PPIL2: variants seen among roughly 807,000 people sequenced by gnomAD.
PPIL2 encodes the protein RING-type E3 ubiquitin-protein ligase PPIL2.
In PPIL2, 50 loss-of-function variants were observed where a neutral mutation model predicts 75.2. The ratio of observed to expected loss-of-function variants is 0.66; its 90% CI spans 0.53 to 0.84. The LOEUF (loss-of-function observed/expected upper bound fraction) is 0.84, where lower values mean the gene tolerates loss of function less well. Ranked by LOEUF, PPIL2 falls within the 40% of genes least tolerant of loss-of-function variation. The pLI is 0.00. For missense variants in PPIL2, 590 were observed against 685.0 expected (o/e 0.86, Z 1.55); for synonymous variants, 245 against 258.8 (o/e 0.95, Z 0.51).
At chr22:21,666,389 G>A (rs982220245) in intron 1 of PPIL2, among the ~76,000 whole-genome samples, 6 of 152,178 alleles carry the variant, frequency 3.9e-5, no homozygotes, top group African/African-American at 9.7e-5. Flanking sequence ...GTTCTGCCCG[G>A]ACCGTCCCCC....
In PPIL2 at chr22:21,688,783, T is replaced by C; in HGVS notation, c.1073T>C (p.Leu358Pro). Residue 358 changes from leucine (L) to proline (P), a missense_variant, in exon 15 of 20, where the codon CTC (leucine) becomes CCC (proline). Leu to Pro is a moderately conservative substitution (Grantham distance 98, BLOSUM62 -3). Coordinates refer to ENST00000398831, the MANE Select transcript of PPIL2 (RefSeq NM_014337.4). ...KPFKDEFRPN[L>P]SHTGRGILSM... is the part of the protein sequence containing the mutation. The stretch of plus-strand genomic sequence containing the variant: ...TTCAAAGACGAGTTCCGGCCCAACC[T>C]CTCGCACACGGGCCGCGGCATCCTC... 1 of 1,614,048 alleles carries C rather than the reference T, an allele frequency of 6.2e-7. No individual in the cohort carries two copies. The highest frequency in any genetic ancestry group is 8.5e-7 in the Non-Finnish European group (1 of 1,179,948).
chr22:21,687,550 C>CAAAAAAAA lies in PPIL2; in HGVS notation c.898-79_898-72dup, dbSNP rs36108489. 8 of 306,558 alleles carry CAAAAAAAA rather than the reference C, an allele frequency of 2.6e-5. 2 individuals carry two copies. Among genetic ancestry groups the CAAAAAAAA allele is most frequent in the Admixed American group, 9.9e-5 (2 of 20,194 alleles). 19.0% of individuals were successfully genotyped at this position (306,558 alleles called of 1,614,324 possible). Reference sequence around the variant, plus strand: ...CCTGGGCAACAGCAAGACTCCACCTCAAAAAAAAAAAAAAAAAAAAAGCCT... The same window carrying CAAAAAAAA: ...CCTGGGCAACAGCAAGACTCCACCTCAAAAAAAAAAAAAAAAAAAAAAAAAAAAAGCCT... On this transcript the variant is annotated intron_variant, in intron 12 of 19. Coordinates refer to ENST00000398831, the MANE Select transcript of PPIL2 (RefSeq NM_014337.4).
At chr22:21,666,277 T>G (rs113080640) in intron 1 of PPIL2, 146 bp downstream of exon 1, 36 of 995,144 alleles carry the variant, frequency 3.6e-5, no homozygotes, top group Non-Finnish European at 4.9e-5. Context: ...CCGCCCTGTC[T>G]CCAGTCAGGG....
At chr22:21,668,772 C>T (rs1321373728) in intron 1 of PPIL2, among the ~76,000 whole-genome samples, 1 of 142,888 alleles carries the variant, frequency 7.0e-6, no homozygotes, top group Admixed American at 7.0e-5. Context: ...AGTGCGGTGG[C>T]ATGGTCTCCG....
intron 6 of PPIL2, among the ~76,000 whole-genome samples, chr22:21,675,927 G>A (rs1183131030): frequency 1.3e-5 from 2 of 152,234 alleles, no homozygotes; most frequent in East Asian, 1.9e-4. Context: ...CCAGAGGCCC[G>A]GATGAGTTGT....
intron 15 of PPIL2, among the ~76,000 whole-genome samples, chr22:21,692,795 G>A (rs1019988604): frequency 1.1e-4 from 17 of 151,454 alleles, no homozygotes; most frequent in South Asian, 6.3e-4. Context: ...GCGTGATGGC[G>A]GGCGCCTGTA....
At chr22:21,687,756 G>A (rs777126567) in intron 13 of PPIL2, 24 bp downstream of exon 13, 2 of 1,593,850 alleles carry the variant, frequency 1.3e-6, no homozygotes, top group South Asian at 1.1e-5. Context: ...GTCACTGGCT[G>A]CACAGATGAG....
intron 1 of PPIL2, among the ~76,000 whole-genome samples, chr22:21,669,015 A>T (rs2066512355): frequency 7.3e-6 from 1 of 137,270 alleles, no homozygotes; most frequent in Non-Finnish European, 1.6e-5. Context: ...CTGGCCCTCT[A>T]TTTTTTTTTT....
chr22:21,696,572 C>G lies in PPIL2; in HGVS notation c.*1082C>G, dbSNP rs563103561. 73 of 1,416,730 alleles carry G rather than the reference C, an allele frequency of 5.2e-5. No homozygotes were observed. In the African/African-American group the frequency reaches 1.0e-3, roughly 20 times the overall value. 87.8% of individuals were successfully genotyped at this position (1,416,730 alleles called of 1,614,324 possible). On this transcript the variant is annotated 3_prime_UTR_variant, in exon 20 of 20. Transcript: ENST00000398831. The stretch of plus-strand genomic sequence containing the variant: ...TGGCTGGCTTTTTCTTCGTCTTCAG[C>G]CCAGGCCAGTGGTCAGTGTTCTCAT...
At chr22:21,673,951 G>T (rs1364201546) in intron 5 of PPIL2, among the ~76,000 whole-genome samples, 1 of 152,210 alleles carries the variant, frequency 6.6e-6, no homozygotes, top group African/African-American at 2.4e-5. Flanking sequence ...AGGGAGGTGG[G>T]GGTAGTTGAA....
intron 8 of PPIL2, among the ~76,000 whole-genome samples, chr22:21,682,794 G>A (rs73382382): frequency 0.015 from 2,358 of 152,366 alleles, 25 homozygotes; most frequent in South Asian, 0.037. Context: ...CACTGACTTA[G>A]AAAAGCAGGT....
intron 6 of PPIL2, among the ~76,000 whole-genome samples, 188 bp from the exon 7 acceptor site, chr22:21,681,111 G>T (rs1291767532): frequency 1.3e-5 from 2 of 152,152 alleles, no homozygotes; most frequent in African/African-American, 4.8e-5. Context: ...GTTTCCTAAC[G>T]GTGTGGAAGG....
intron 5 of PPIL2, 128 bp downstream of exon 5, chr22:21,672,509 G>C: frequency 1.1e-6 from 1 of 925,386 alleles, no homozygotes; most frequent in South Asian, 1.4e-5. Context: ...AGTGAGGAGG[G>C]ACAGTCTTCC....
chr22:21,699,586 C>G (rs528585669), downstream of PPIL2: 1 of 152,604 alleles, frequency 6.6e-6, no homozygotes, highest in Non-Finnish European at 1.5e-5. Context: ...CACGCAGGGA[C>G]GGGCAACGCG....
chr22:21,675,179 C>G (rs927452813), intron 6 of PPIL2, 64 bp downstream of exon 6: 2 of 1,404,814 alleles, frequency 1.4e-6, no homozygotes, highest in African/African-American at 2.9e-5. Context: ...CAGCTCTCAC[C>G]AGTTTTCATA....
At chr22:21,682,292 A>G in intron 7 of PPIL2, 145 bp from the exon 8 acceptor site, 1 of 672,596 alleles carries the variant, frequency 1.5e-6, no homozygotes, top group South Asian at 1.7e-5. Context: ...GCTTTCAGCC[A>G]GTGGGGTGTA....
rs528374862 is a variant in PPIL2, at chr22:21,697,269, T to C, written c.*1779T>C. 5.8e-5 allele frequency: 25 copies of C among 428,158 alleles called. No homozygotes were observed. In the East Asian group the frequency reaches 9.5e-4, roughly 16 times the overall value. The allele number at this position is 428,158 out of a possible 1,614,324, so 26.5% of individuals were successfully genotyped here. A position where few individuals can be genotyped will look rare whatever the true frequency, so the allele number is the denominator to read the frequency against. ...GCGTCCAGGGTACAGGTGCGGGTGG[T>C]GGGGATGAAGGCCTGACCAGGGAGG... On this transcript the variant is annotated 3_prime_UTR_variant, in exon 20 of 20. Coordinates refer to ENST00000398831, the MANE Select transcript of PPIL2 (RefSeq NM_014337.4).
intron 5 of PPIL2, 108 bp downstream of exon 5, chr22:21,672,489 C>G: frequency 8.8e-7 from 1 of 1,138,050 alleles, no homozygotes; most frequent in South Asian, 1.3e-5. Flanking sequence ...GAGAACCGTT[C>G]ATGGGGCCCA....
intron 6 of PPIL2, among the ~76,000 whole-genome samples, chr22:21,676,124 C>T (rs1438250091): frequency 2.0e-5 from 3 of 152,182 alleles, no homozygotes; most frequent in Non-Finnish European, 2.9e-5. Flanking sequence ...GGTCCCCAGT[C>T]GGTGCAGCAT....
Sources: allele counts gnomAD v4.1 joint callset (sites outside exome capture counted in the v4.1 genomes callset), GRCh38; gene constraint gnomAD v4.1.1; transcripts MANE v1.5; gene names NCBI Gene and HGNC (gene_info 2026-07-23, HGNC 2026-07-21).